The following PCNX1 variants were observed in gnomAD, a reference collection of about 807,000 sequenced individuals.
PCNX1 encodes the protein pecanex 1.
A neutral mutation model predicts 242.2 loss-of-function variants in PCNX1; 78 were observed. The ratio of observed to expected loss-of-function variants is 0.32; its 90% confidence interval spans 0.27 to 0.39. The LOEUF is 0.39. Ranked by LOEUF, PCNX1 falls within the 10% of genes least tolerant of loss-of-function variation. PCNX1 has a pLI of 1.00. For missense variants in PCNX1, 2,581 were observed against 2,856.5 expected (o/e 0.90, Z 2.20); for synonymous variants, 1,024 against 1,032.9 (o/e 0.99, Z 0.17).
intron 15 of PCNX1, 25 bp from the exon 16 acceptor site, chr14:71,028,672 TTTC>T: frequency 1.5e-6 from 2 of 1,324,304 alleles, no homozygotes; most frequent in South Asian, 2.6e-5. Flanking sequence ...TTATAAAATG[TTTC>T]TTACCTTTTC....
At chr14:70,987,138 A>G (rs1024759024) in intron 6 of PCNX1, among the ~76,000 whole-genome samples, 1 of 152,024 alleles carries the variant, frequency 6.6e-6, no homozygotes, top group African/African-American at 2.4e-5. Context: ...TTTTCATTTC[A>G]TTGAAGTCAT....
intron 10 of PCNX1, 139 bp from the exon 11 acceptor site, chr14:71,012,846 A>T: frequency 1.3e-5 from 8 of 609,808 alleles, no homozygotes; most frequent in Middle Eastern, 4.5e-4. Context: ...AAAGTGTATG[A>T]GAGAAGAAAA....
chr14:71,033,572 A>G, intron 17 of PCNX1, 34 bp downstream of exon 17: 2 of 1,163,996 alleles, frequency 1.7e-6, no homozygotes, highest in South Asian at 1.3e-5. Context: ...AATTAAAAGA[A>G]ATTTAAGTAA....
chr14:70,925,098 C>T (rs1248188614), intron 1 of PCNX1, among the ~76,000 whole-genome samples: 1 of 152,016 alleles, frequency 6.6e-6, no homozygotes, highest in Non-Finnish European at 1.5e-5. Flanking sequence ...AAGTGATTCT[C>T]CTGCCTCAGA....
chr14:70,988,467 C>A, intron 6 of PCNX1, 100 bp from the exon 7 acceptor site: 1 of 1,234,592 alleles, frequency 8.1e-7, no homozygotes, highest in Non-Finnish European at 1.2e-6. Context: ...AATAAGTTCA[C>A]TTTACCCATG....
chr14:71,040,116 C>G lies in PCNX1; in HGVS notation c.3867+3959C>G, dbSNP rs556780803. On this transcript the variant is annotated intron_variant, in intron 19 of 35. Coordinates refer to ENST00000304743, the MANE Select transcript of PCNX1 (RefSeq NM_014982.3). Reference sequence around the variant, plus strand: ...TGTGAGCCACTGCACCCTGCCTCCTCTCCAGTTTAAAATCCCCCTTTCTTG... The same window carrying G: ...TGTGAGCCACTGCACCCTGCCTCCTGTCCAGTTTAAAATCCCCCTTTCTTG... Among the ~76,000 whole-genome samples the G allele has an allele frequency of 5.3e-5, 8 of 152,266 alleles. No individual in the cohort carries two copies. In the South Asian group the frequency reaches 1.7e-3, roughly 32 times the overall value.
At chr14:71,063,181 C>T (rs568412709) in intron 26 of PCNX1, among the ~76,000 whole-genome samples, 2 of 152,294 alleles carry the variant, frequency 1.3e-5, no homozygotes, top group South Asian at 4.1e-4. Flanking sequence ...GGTTGGCCTA[C>T]TTATTCTGTT....
chr14:70,940,513 C>G (rs2057192139), intron 1 of PCNX1, among the ~76,000 whole-genome samples: 1 of 152,336 alleles, frequency 6.6e-6, no homozygotes, highest in East Asian at 1.9e-4. Flanking sequence ...GTCTGATGGG[C>G]TTCCCTTTGT....
At chr14:70,963,264 G>T (rs73293814) in intron 3 of PCNX1, among the ~76,000 whole-genome samples, 4,289 of 152,192 alleles carry the variant, frequency 0.028, 174 homozygotes, top group African/African-American at 0.097. Flanking sequence ...TTATGGTGTT[G>T]ACCCTTTCTT....
chr14:71,015,534 C>T (rs896994113), intron 11 of PCNX1, among the ~76,000 whole-genome samples: 7 of 152,130 alleles, frequency 4.6e-5, no homozygotes, highest in Middle Eastern at 3.4e-3. Context: ...GGCTGGACGC[C>T]GTGGTAATCC....
rs2057749892 is a variant in PCNX1 at position 70,950,860 on chromosome 14, TC to T, written c.362+3738del. On this transcript the variant is annotated intron_variant, in intron 2 of 35. Transcript: ENST00000304743. Reference sequence around the variant, plus strand: ...TTTTTAAATAAAATATATTAGCTCTTCTGTGTCAAATACTCTTCCTCAGTTT... The same window carrying T: ...TTTTTAAATAAAATATATTAGCTCTTTGTGTCAAATACTCTTCCTCAGTTT... Among the ~76,000 whole-genome samples the T allele has an allele frequency of 2.6e-5, 4 of 152,216 alleles. 1 individual carries two copies. Among genetic ancestry groups the T allele is most frequent in the Admixed American group, 2.6e-4 (4 of 15,302 alleles).
chr14:71,095,858 C>A (rs555312502), intron 30 of PCNX1, among the ~76,000 whole-genome samples: 1 of 152,194 alleles, frequency 6.6e-6, no homozygotes, highest in African/African-American at 2.4e-5. Context: ...TGATAATTTC[C>A]AGCTTTTTGT....
rs370392873 is a variant in PCNX1 at position 70,977,734 on chromosome 14, A to G, written c.1397A>G (p.Glu466Gly). Residue 466 changes from glutamate to glycine, a missense_variant, in exon 6 of 36, where the codon GAG becomes GGG. By Grantham distance (98) the Glu-to-Gly change is moderately conservative. Coordinates refer to ENST00000304743, the MANE Select transcript of PCNX1 (RefSeq NM_014982.3). ...MEASTNSGVH[E>G]AKDPTPSDEM... is the part of the protein sequence containing the mutation. The stretch of plus-strand genomic sequence containing the variant: ...GCGAGTACCAACAGTGGGGTTCACG[A>G]GGCCAAGGACCCCACCCCCTCTGAT... 3.1e-6 allele frequency: 5 copies of G among 1,614,146 alleles called. No individual in the cohort carries two copies. Among genetic ancestry groups the G allele is most frequent in the Non-Finnish European group, 3.4e-6 (4 of 1,180,010 alleles).
rs1459824965 is a variant in PCNX1, at chr14:71,097,375, A to C, written c.5590-4615A>C. On this transcript the variant is annotated intron_variant, in intron 30 of 35. Transcript: ENST00000304743. ...AAATGGTAGTTCTGTTTCTTTGAGA[A>C]ATCTCCAACTGCTTTCCACAGTGAC... is the stretch of plus-strand genomic sequence containing the variant. Among the ~76,000 whole-genome samples, 4 of 152,296 alleles carry C rather than the reference A, an allele frequency of 2.6e-5. No individual in the cohort carries two copies. In the East Asian group the frequency reaches 7.7e-4, roughly 29 times the overall value.
At position 71,013,165 on chromosome 14, in the gene PCNX1, A is replaced by T. The variant is rs777913186; in HGVS notation, c.2959A>T (p.Asn987Tyr). ...CCTACCCCAGCTGTGGATTGGCATT[A>T]ACTTTGACAGACTCACACTTTTGGC... ...WILPQLWIGI[N>Y]FDRLTLLALF... is the part of the protein sequence containing the mutation. The change falls in exon 11 of 36, where the codon AAC becomes TAC. Residue 987 changes from asparagine to tyrosine, a missense_variant. Around this residue, in one of 9 missense-constraint regions of PCNX1, gnomAD observed 1,204 missense variants for 1,216.7 expected, o/e 0.99. Coordinates refer to ENST00000304743, the MANE Select transcript of PCNX1 (RefSeq NM_014982.3). 1.2e-6 allele frequency: 2 copies of T among 1,614,120 alleles called. No individual in the cohort carries two copies. Among genetic ancestry groups the T allele is most frequent in the Non-Finnish European group, 1.7e-6 (2 of 1,179,986 alleles).
intron 7 of PCNX1, among the ~76,000 whole-genome samples, chr14:70,995,427 T>C (rs145305951): frequency 1.1e-4 from 16 of 152,320 alleles, no homozygotes; most frequent in Admixed American, 5.9e-4. Context: ...AATGTACTTA[T>C]GATTCTTTTT....
rs1475726601 is a variant in PCNX1 at position 71,069,163 on chromosome 14, C to T, written c.4853-4382C>T. 2.6e-5 allele frequency among the ~76,000 whole-genome samples: 4 copies of T among 152,192 alleles called. No individual in the cohort carries two copies. In the South Asian group the frequency reaches 8.3e-4, roughly 32 times the overall value. On this transcript the variant is annotated intron_variant, in intron 26 of 35. Coordinates refer to ENST00000304743, the MANE Select transcript of PCNX1 (RefSeq NM_014982.3). ...AGATCTCTTGAGACTTACTTACTACCACAAGAACAGTATGTGGGAACTGCC... is the reference window on the plus strand; with the variant it reads ...AGATCTCTTGAGACTTACTTACTACTACAAGAACAGTATGTGGGAACTGCC...
At chr14:71,101,854 A>G in intron 30 of PCNX1, 136 bp from the exon 31 acceptor site, 1 of 500,210 alleles carries the variant, frequency 2.0e-6, no homozygotes, top group Non-Finnish European at 3.4e-6. Context: ...AGAATCTATA[A>G]TTTATCTCTA....
intron 1 of PCNX1, among the ~76,000 whole-genome samples, chr14:70,940,657 A>T (rs772876201): frequency 6.6e-6 from 1 of 151,930 alleles, no homozygotes; most frequent in South Asian, 2.1e-4. Flanking sequence ...GTATTTCCTG[A>T]ATTTGAATGT....
Sources: allele counts gnomAD v4.1 joint callset (sites outside exome capture counted in the v4.1 genomes callset), GRCh38; gene constraint gnomAD v4.1.1; regional missense constraint gnomAD v4.1.1; transcripts MANE v1.5; gene names NCBI Gene and HGNC (gene_info 2026-07-23, HGNC 2026-07-21).